Variants in FAM193A observed in about 807,000 individuals in gnomAD.
FAM193A encodes the protein family with sequence similarity 193 member A, also known as protein FAM193A.
A neutral mutation model predicts 126.5 loss-of-function variants in FAM193A; 22 were observed. The observed-to-expected ratio is 0.17, with a 90% CI of 0.12 to 0.25. FAM193A has a LOEUF of 0.25. Among genes scored for constraint, FAM193A ranks in the 10% least tolerant of loss-of-function variants. The pLI, the probability that FAM193A is intolerant of heterozygous loss-of-function variation, is 1.00. For synonymous variants in FAM193A, 761 were observed against 646.8 expected, an observed-to-expected ratio of 1.18 and a Z score of -2.68; for missense variants, 1,675 against 1,672.8, an observed-to-expected ratio of 1.00 and a Z score of -0.02.
intron 20 of FAM193A, among the ~76,000 whole-genome samples, chr4:2,725,497 G>A (rs1457126378): frequency 6.7e-6 from 1 of 148,932 alleles, no homozygotes; most frequent in African/African-American, 2.5e-5. Flanking sequence ...CAGAGAGGCA[G>A]TGAAATGTGA....
intron 12 of FAM193A, among the ~76,000 whole-genome samples, chr4:2,666,834 C>T (rs1577168357): frequency 6.6e-6 from 1 of 152,154 alleles, no homozygotes; most frequent in South Asian, 2.1e-4. Flanking sequence ...TTCTGCAGTG[C>T]CTGCAGTGAT....
chr4:2,711,547 CCAGGCTGGTCTTGAACTCCTGACCT>C (rs1323613072), intron 19 of FAM193A, among the ~76,000 whole-genome samples: 2 of 151,366 alleles, frequency 1.3e-5, no homozygotes, highest in African/African-American at 2.4e-5. Context: ...ACCATCTTGG[CCAGGCTGGTCTTGAACTCCTGACCT>C]CAGGTGATCC....
intron 6 of FAM193A, among the ~76,000 whole-genome samples, chr4:2,646,263 G>A (rs561207035): frequency 8.5e-4 from 123 of 144,966 alleles, no homozygotes; most frequent in Middle Eastern, 3.8e-3. Flanking sequence ...TCCGCCTCCC[G>A]GGTTCAAGCG....
intron 1 of FAM193A, among the ~76,000 whole-genome samples, chr4:2,569,080 C>T (rs999791501): frequency 1.3e-5 from 2 of 150,234 alleles, no homozygotes; most frequent in South Asian, 4.2e-4. Flanking sequence ...AGCGATTCTC[C>T]TGCCTCAGCC....
chr4:2,731,238 A>G (rs1252317390), intron 20 of FAM193A, among the ~76,000 whole-genome samples: 1 of 145,236 alleles, frequency 6.9e-6, no homozygotes, highest in African/African-American at 2.6e-5. Context: ...GTGTGGTGGT[A>G]CATGCCTGTA....
chr4:2,620,217 A>G (rs906799869), intron 2 of FAM193A, among the ~76,000 whole-genome samples: 1 of 152,214 alleles, frequency 6.6e-6, no homozygotes, highest in African/African-American at 2.4e-5. Flanking sequence ...ATATGTAGTC[A>G]TCATGTACCC....
chr4:2,579,995 A>T (rs1739827195), intron 1 of FAM193A, among the ~76,000 whole-genome samples: 1 of 152,160 alleles, frequency 6.6e-6, no homozygotes, highest in African/African-American at 2.4e-5. Flanking sequence ...TCATTGCAGC[A>T]CTGTTCACAA....
intron 2 of FAM193A, among the ~76,000 whole-genome samples, chr4:2,623,465 T>C (rs1337380451): frequency 1.3e-5 from 2 of 151,738 alleles, no homozygotes; most frequent in African/African-American, 4.8e-5. Flanking sequence ...CCACCGCGCC[T>C]GGCCGGTCCC....
At chr4:2,663,875 A>C (rs1476130064) in intron 12 of FAM193A, among the ~76,000 whole-genome samples, 1 of 152,148 alleles carries the variant, frequency 6.6e-6, no homozygotes, top group Non-Finnish European at 1.5e-5. Context: ...GCTGAGGCAC[A>C]AGAATTGCTT....
chr4:2,604,089 C>T (rs147267746), intron 2 of FAM193A, among the ~76,000 whole-genome samples: 4,254 of 152,136 alleles, frequency 0.028, 185 homozygotes, highest in African/African-American at 0.097. Context: ...GTGATCCGCC[C>T]GCCTCACCCT....
intron 20 of FAM193A, among the ~76,000 whole-genome samples, chr4:2,724,932 A>G (rs1012989528): frequency 5.9e-5 from 9 of 152,170 alleles, no homozygotes; most frequent in South Asian, 4.1e-4. Flanking sequence ...CTGGAGTGCA[A>G]TTGGTGCAAT....
intron 2 of FAM193A, among the ~76,000 whole-genome samples, chr4:2,619,388 C>T (rs569820245): frequency 4.0e-5 from 6 of 151,854 alleles, no homozygotes; most frequent in South Asian, 2.1e-4. Flanking sequence ...CTGCAACCTC[C>T]GCCTCCTGGG....
chr4:2,541,720 G>A (rs956936734), intron 1 of FAM193A, among the ~76,000 whole-genome samples: 8 of 151,272 alleles, frequency 5.3e-5, no homozygotes, highest in African/African-American at 1.9e-4. Context: ...CTGGGATTAC[G>A]GGTGTGACCC....
At chr4:2,639,630 C>CGT in intron 5 of FAM193A, 105 bp from the exon 6 acceptor site, 2 of 698,946 alleles carry the variant, frequency 2.9e-6, no homozygotes, top group Non-Finnish European at 4.3e-6. Context: ...GGGATGTGTG[C>CGT]GTGGTGGGGG....
chr4:2,541,187 T>G (rs909324011), intron 1 of FAM193A, among the ~76,000 whole-genome samples: 5 of 151,296 alleles, frequency 3.3e-5, no homozygotes, highest in Non-Finnish European at 7.4e-5. Flanking sequence ...GGAGAATCGC[T>G]TGAACCTGGG....
intron 1 of FAM193A, among the ~76,000 whole-genome samples, chr4:2,576,055 A>G (rs1739566555): frequency 6.6e-6 from 1 of 152,156 alleles, no homozygotes. Context: ...GAATGATTTA[A>G]GCAGTAATAC....
intron 12 of FAM193A, among the ~76,000 whole-genome samples, chr4:2,670,073 A>T (rs551544978): frequency 6.6e-6 from 1 of 152,108 alleles, no homozygotes; most frequent in Non-Finnish European, 1.5e-5. Flanking sequence ...GGTTCTGCAC[A>T]TGCTGGAGTG....
rs1437776304 is a variant in FAM193A, at chr4:2,663,231, C to A, written c.2022C>A (p.Ser674Arg). ...PKEDGVLGSR[S>R]PRTEESKADS... ...AAGATGGAGTGCTGGGAAGCAGGAG[C>A]CCCAGGACAGAGGAGAGCAAAGCAG... is the stretch of plus-strand genomic sequence containing the variant. The change falls in exon 12 of 21, where the codon AGC (serine) becomes AGA (arginine). Residue 674 changes from serine to arginine, a missense_variant. By Grantham distance (110) the Ser-to-Arg change is moderately radical (BLOSUM62 -1). This residue lies in a region of FAM193A where 1,186 missense variants were observed against 1,109.2 expected (regional missense o/e 1.07). Transcript: ENST00000637812. 1 of 1,613,960 alleles carries A rather than the reference C, an allele frequency of 6.2e-7. No individual in the cohort carries two copies. Among genetic ancestry groups the A allele is most frequent in the Non-Finnish European group, 8.5e-7 (1 of 1,180,006 alleles).
chr4:2,695,174 C>T (rs915552923), intron 17 of FAM193A, 45 bp downstream of exon 17: 2 of 1,481,486 alleles, frequency 1.3e-6, no homozygotes, highest in East Asian at 2.6e-5. Flanking sequence ...AAGTGTGCAA[C>T]ACACGGGCTC....
Sources: gnomAD v4.1 joint callset for allele counts (sites outside exome capture counted in the v4.1 genomes callset) on GRCh38, gnomAD v4.1.1 for gene constraint, gnomAD v4.1.1 regional missense constraint, MANE v1.5 for transcripts, NCBI Gene and HGNC (gene_info 2026-07-23, HGNC 2026-07-21) for gene names.